Variants in TAFA5 observed in about 807,000 individuals in gnomAD.
TAFA5 encodes the protein chemokine-like protein TAFA-5.
Under a neutral mutation model 15.3 loss-of-function variants are expected in TAFA5, and 6 were observed. That is an observed-to-expected ratio of 0.39 (90% confidence interval 0.21 to 0.77). TAFA5 has a LOEUF of 0.77. Among genes scored for constraint, TAFA5 ranks in the 30% least tolerant of loss-of-function variants. The probability of loss-of-function intolerance (pLI) is 0.41; values close to 1 mark genes in which losing one functional copy is unlikely to be tolerated. For missense variants in TAFA5, 161 were observed against 193.1 expected, an observed-to-expected ratio of 0.83 and a Z score of 0.98; for synonymous variants, 103 against 80.7, an observed-to-expected ratio of 1.28 and a Z score of -1.48.
chr22:48,580,240 C>T (rs573873539), intron 1 of TAFA5, among the ~76,000 whole-genome samples: 4 of 152,214 alleles, frequency 2.6e-5, no homozygotes, highest in East Asian at 3.9e-4. Flanking sequence ...CCATGTGGCC[C>T]GTAACAAGGG....
rs768423339 is a variant in TAFA5 at position 48,624,565 on chromosome 22, C to T, written c.113-22032C>T. ...ATAGATGCGTTTGTCCTTTAGGCTG[C>T]GATCCAGGGCTGCTTTATTTACCGG... On this transcript the variant is annotated intron_variant, in intron 1 of 3. Transcript: ENST00000402357. 1.1e-4 allele frequency among the ~76,000 whole-genome samples: 17 copies of T among 152,294 alleles called. No homozygotes were observed. The South Asian group carries it at 1.2e-3, about 11-fold the overall frequency.
chr22:48,554,359 AG>A (rs1039036481), intron 1 of TAFA5, among the ~76,000 whole-genome samples: 6 of 152,210 alleles, frequency 3.9e-5, no homozygotes, highest in Non-Finnish European at 8.8e-5. Flanking sequence ...TCTTTCTGTA[AG>A]GGTTTTTTAA....
intron 1 of TAFA5, among the ~76,000 whole-genome samples, chr22:48,639,805 A>G (rs1601635156): frequency 6.6e-6 from 1 of 151,832 alleles, no homozygotes; most frequent in Non-Finnish European, 1.5e-5. Context: ...AGTCCACAGC[A>G]TCCTTCCTGC....
intron 1 of TAFA5, among the ~76,000 whole-genome samples, chr22:48,646,209 T>C (rs1250326670): frequency 6.6e-6 from 1 of 152,182 alleles, no homozygotes; most frequent in Non-Finnish European, 1.5e-5. Flanking sequence ...GACCAAGCAC[T>C]GTGCCTCGTA....
intron 1 of TAFA5, among the ~76,000 whole-genome samples, chr22:48,572,441 T>G (rs1923622507): frequency 6.6e-6 from 1 of 152,232 alleles, no homozygotes; most frequent in Non-Finnish European, 1.5e-5. Flanking sequence ...GCTGGCGGCT[T>G]GACCCTAGGG....
rs1355206711 is a variant in TAFA5 at position 48,592,662 on chromosome 22, CCTCA to C, written c.113-53931_113-53928del. ...TGCTGCCTCCCTCCCTCCCTCCCTC[CCTCA>C]CTCCCTCCTCTCAGTGACTAACTCG... On this transcript the variant is annotated intron_variant, in intron 1 of 3. Coordinates refer to ENST00000402357, the MANE Select transcript of TAFA5 (RefSeq NM_001082967.3). 2.0e-5 allele frequency among the ~76,000 whole-genome samples: 3 copies of C among 152,108 alleles called. No individual in the cohort carries two copies. The South Asian group carries it at 6.2e-4, about 32-fold the overall frequency.
chr22:48,585,259 A>C (rs1390529417), intron 1 of TAFA5, among the ~76,000 whole-genome samples: 10 of 151,534 alleles, frequency 6.6e-5, no homozygotes, highest in Non-Finnish European at 1.5e-4. Flanking sequence ...ACATACACAG[A>C]TAATATACCA....
chr22:48,629,365 G>A (rs1031080931), intron 1 of TAFA5, among the ~76,000 whole-genome samples: 2 of 152,208 alleles, frequency 1.3e-5, no homozygotes, highest in East Asian at 1.9e-4. Flanking sequence ...GCACCCCGGG[G>A]CTTTGGGAAT....
intron 1 of TAFA5, among the ~76,000 whole-genome samples, chr22:48,578,517 C>G (rs1246078287): frequency 3.3e-5 from 5 of 152,162 alleles, no homozygotes; most frequent in African/African-American, 7.2e-5. Context: ...ACAGAGATCT[C>G]CATGTTTACC....
chr22:48,659,979 A>C (rs901593952), intron 2 of TAFA5, among the ~76,000 whole-genome samples: 4 of 152,134 alleles, frequency 2.6e-5, no homozygotes, highest in Non-Finnish European at 4.4e-5. Context: ...GAGGGGGGTG[A>C]GTGGGGTTGC....
chr22:48,639,273 C>T (rs1926589116), intron 1 of TAFA5, among the ~76,000 whole-genome samples: 1 of 152,234 alleles, frequency 6.6e-6, no homozygotes, highest in Admixed American at 6.5e-5. Flanking sequence ...TCGGGCCGCC[C>T]CCTGCCCTCA....
At chr22:48,712,191 G>A (rs1929274568) in intron 3 of TAFA5, among the ~76,000 whole-genome samples, 1 of 152,160 alleles carries the variant, frequency 6.6e-6, no homozygotes. Flanking sequence ...CGAGTAGCTG[G>A]AATTACAGGC....
intron 1 of TAFA5, among the ~76,000 whole-genome samples, chr22:48,586,650 G>A (rs1490102051): frequency 6.6e-6 from 1 of 152,226 alleles, no homozygotes; most frequent in Non-Finnish European, 1.5e-5. Flanking sequence ...CAGGGGTGCA[G>A]GGCTGGTGTT....
rs1020997898 is a variant in TAFA5 at position 48,567,107 on chromosome 22, G to A, written c.112+77403G>A. Among the ~76,000 whole-genome samples the A allele has an allele frequency of 3.9e-5, 6 of 152,230 alleles. No individual in the cohort carries two copies. In the South Asian group the frequency reaches 1.0e-3, roughly 26 times the overall value. ...CTGAAGAATAGAACTTCCAGATTTCGGGTGGGAACATCTTGAATTCGCTTT... is the reference window on the plus strand; with the variant it reads ...CTGAAGAATAGAACTTCCAGATTTCAGGTGGGAACATCTTGAATTCGCTTT... On this transcript the variant is annotated intron_variant, in intron 1 of 3. Transcript: ENST00000402357.
rs1370731569 is a variant in TAFA5, at chr22:48,751,353, G to A, written c.*1506G>A. The A allele has an allele frequency of 6.6e-6, 1 of 152,338 alleles. No homozygotes were observed. The highest frequency in any genetic ancestry group is 2.4e-5 in the African/African-American group (1 of 41,410). 9.4% of individuals were successfully genotyped at this position (152,338 alleles called of 1,614,324 possible). ...GCGCAGGCGGGGCCGGCAGGGCCGA[G>A]GAATAAGCGACAATTCTGGTTTTTC... is the stretch of plus-strand genomic sequence containing the variant. On this transcript the variant is annotated 3_prime_UTR_variant, in exon 4 of 4. Transcript: ENST00000402357.
At chr22:48,505,920 CG>C in intron 1 of TAFA5, among the ~76,000 whole-genome samples, 1 of 152,298 alleles carries the variant, frequency 6.6e-6, no homozygotes, top group South Asian at 2.1e-4. Flanking sequence ...CAGGCTGGCA[CG>C]GCGTGGTCCA....
At chr22:48,652,215 C>A (rs988219796) in intron 2 of TAFA5, among the ~76,000 whole-genome samples, 5 of 152,226 alleles carry the variant, frequency 3.3e-5, no homozygotes, top group Non-Finnish European at 5.9e-5. Context: ...CGTGAATCAC[C>A]TGCTCTATTG....
intron 1 of TAFA5, among the ~76,000 whole-genome samples, chr22:48,556,743 C>T (rs1040218243): frequency 3.3e-5 from 5 of 152,126 alleles, no homozygotes; most frequent in East Asian, 3.8e-4. Flanking sequence ...GGGGTCCCCT[C>T]GAGGCTGTTC....
intron 1 of TAFA5, among the ~76,000 whole-genome samples, chr22:48,564,284 C>A (rs1923338200): frequency 6.6e-6 from 1 of 152,238 alleles, no homozygotes; most frequent in Non-Finnish European, 1.5e-5. Context: ...GGATGGGAGG[C>A]CTAGGCCTGG....
Sources: allele counts gnomAD v4.1 joint callset (sites outside exome capture counted in the v4.1 genomes callset), GRCh38; gene constraint gnomAD v4.1.1; transcripts MANE v1.5; gene names NCBI Gene and HGNC (gene_info 2026-07-23, HGNC 2026-07-21).